Variants in RIC1 observed in about 807,000 individuals in gnomAD.
The protein encoded by RIC1 is RIC1 partner of RAB6A GEF complex.
In RIC1, 88 loss-of-function variants were observed where a neutral mutation model predicts 169.0. That is an observed-to-expected ratio of 0.52 (90% CI 0.44 to 0.62). The LOEUF (loss-of-function observed/expected upper bound fraction) is 0.62, where lower values mean the gene tolerates loss of function less well. Among genes scored for constraint, RIC1 ranks in the 20% least tolerant of loss-of-function variants. The pLI is 0.00. For missense variants in RIC1, 1,877 were observed against 1,725.5 expected (o/e 1.09, Z -1.56); for synonymous variants, 790 against 601.5 (o/e 1.31, Z -4.59).
intron 1 of RIC1, among the ~76,000 whole-genome samples, chr9:5,640,529 A>G (rs888525271): frequency 6.6e-6 from 1 of 152,198 alleles, no homozygotes; most frequent in Admixed American, 6.5e-5. Context: ...TTTCTACTTA[A>G]GAGTAGTTTA....
At chr9:5,772,296 C>T (rs1367053734) in intron 23 of RIC1, among the ~76,000 whole-genome samples, 2 of 152,176 alleles carry the variant, frequency 1.3e-5, no homozygotes, top group Non-Finnish European at 2.9e-5. Context: ...CTTGGTCAAA[C>T]TCTAGCTAGA....
intron 6 of RIC1, among the ~76,000 whole-genome samples, chr9:5,723,901 C>G (rs1032001350): frequency 3.3e-5 from 5 of 152,184 alleles, no homozygotes; most frequent in Non-Finnish European, 7.3e-5. Flanking sequence ...GGGCTCTGTT[C>G]TGTTCCATTG....
chr9:5,671,901 T>C (rs545630321), intron 2 of RIC1, among the ~76,000 whole-genome samples: 2 of 152,222 alleles, frequency 1.3e-5, no homozygotes, highest in Admixed American at 6.5e-5. Flanking sequence ...TAAGTGAGCT[T>C]AAAAAAGTGG....
chr9:5,708,697 A>G (rs1173329449), intron 3 of RIC1, among the ~76,000 whole-genome samples: 1 of 151,988 alleles, frequency 6.6e-6, no homozygotes, highest in African/African-American at 2.4e-5. Flanking sequence ...TTTTTTTGAC[A>G]GTTTGAACAT....
chr9:5,695,461 C>G (rs1318975219), intron 3 of RIC1, among the ~76,000 whole-genome samples: 2 of 152,100 alleles, frequency 1.3e-5, no homozygotes, highest in African/African-American at 4.8e-5. Flanking sequence ...CAGTCTATAT[C>G]CAGTCTAGTA....
chr9:5,725,178 G>T (rs962593438), intron 6 of RIC1, among the ~76,000 whole-genome samples: 5 of 152,092 alleles, frequency 3.3e-5, no homozygotes, highest in African/African-American at 1.2e-4. Context: ...CTGTGAATCT[G>T]TCTCGTCCTG....
chr9:5,664,098 A>G (rs1819614467), intron 2 of RIC1, among the ~76,000 whole-genome samples: 1 of 152,136 alleles, frequency 6.6e-6, no homozygotes, highest in Non-Finnish European at 1.5e-5. Context: ...TCTGGGTTGG[A>G]AATTCTTTAC....
chr9:5,689,352 A>G (rs562199799), intron 2 of RIC1, among the ~76,000 whole-genome samples: 1 of 152,240 alleles, frequency 6.6e-6, no homozygotes, highest in African/African-American at 2.4e-5. Context: ...CGCCCGGCCT[A>G]CAATTTGTTG....
At chr9:5,674,285 A>T (rs771453101) in intron 2 of RIC1, among the ~76,000 whole-genome samples, 1 of 152,184 alleles carries the variant, frequency 6.6e-6, no homozygotes, top group Admixed American at 6.5e-5. Context: ...ACAAAAATTC[A>T]TTTATGATCC....
At chr9:5,643,975 C>A (rs547108741) in intron 1 of RIC1, among the ~76,000 whole-genome samples, 5 of 152,008 alleles carry the variant, frequency 3.3e-5, no homozygotes, top group Non-Finnish European at 5.9e-5. Flanking sequence ...CTACTGTCCC[C>A]CAAGTAGTTT....
intron 19 of RIC1, among the ~76,000 whole-genome samples, chr9:5,764,836 A>T (rs909549867): frequency 6.6e-6 from 1 of 152,220 alleles, no homozygotes; most frequent in Non-Finnish European, 1.5e-5. Context: ...CTAAGTTGCT[A>T]TGGATTGGCA....
At chr9:5,701,659 C>T (rs1304052519) in intron 3 of RIC1, among the ~76,000 whole-genome samples, 2 of 151,266 alleles carry the variant, frequency 1.3e-5, no homozygotes, top group Admixed American at 1.3e-4. Context: ...GTTTTCTATC[C>T]ATCTTCCTTA....
chr9:5,643,018 G>C (rs1818326065), intron 1 of RIC1, among the ~76,000 whole-genome samples: 1 of 152,126 alleles, frequency 6.6e-6, no homozygotes, highest in East Asian at 1.9e-4. Context: ...AATTTTATAA[G>C]TCTGGGCATG....
intron 2 of RIC1, among the ~76,000 whole-genome samples, chr9:5,668,762 C>T (rs1261325673): frequency 6.6e-6 from 1 of 151,880 alleles, no homozygotes; most frequent in Non-Finnish European, 1.5e-5. Flanking sequence ...TATCGATATT[C>T]TCATTTTGTT....
chr9:5,674,531 A>C (rs1820323973), intron 2 of RIC1, among the ~76,000 whole-genome samples: 1 of 152,236 alleles, frequency 6.6e-6, no homozygotes, highest in East Asian at 1.9e-4. Context: ...TCCAAAAGGG[A>C]AAAAATAAGC....
chr9:5,746,803 C>T (rs775755808), intron 11 of RIC1, among the ~76,000 whole-genome samples: 3 of 151,992 alleles, frequency 2.0e-5, no homozygotes, highest in Non-Finnish European at 4.4e-5. Context: ...ATATTTGGTA[C>T]AACAAATTTC....
chr9:5,736,369 T>C (rs1233269017), intron 7 of RIC1, among the ~76,000 whole-genome samples: 1 of 152,234 alleles, frequency 6.6e-6, no homozygotes, highest in Non-Finnish European at 1.5e-5. Flanking sequence ...AAGAGCTGTT[T>C]TGAATTCAGA....
chr9:5,664,273 T>C (rs897176768), intron 2 of RIC1, among the ~76,000 whole-genome samples: 4 of 151,958 alleles, frequency 2.6e-5, no homozygotes, highest in South Asian at 2.1e-4. Flanking sequence ...ATTAGCTGAG[T>C]GTCGTGGCGC....
At chr9:5,733,624 C>G (rs1824510101) in intron 7 of RIC1, among the ~76,000 whole-genome samples, 1 of 151,968 alleles carries the variant, frequency 6.6e-6, no homozygotes, top group South Asian at 2.1e-4. Flanking sequence ...TTAATAAACT[C>G]TTTGTAAAGT....
Sources: gnomAD v4.1 joint callset for allele counts (sites outside exome capture counted in the v4.1 genomes callset) on GRCh38, gnomAD v4.1.1 for gene constraint, MANE v1.5 for transcripts, NCBI Gene and HGNC (gene_info 2026-07-23, HGNC 2026-07-21) for gene names.